Variants in DSG1 observed in about 807,000 individuals in gnomAD.
DSG1 encodes desmoglein 1, also known as desmoglein-1.
In DSG1, 39 loss-of-function variants were observed where a neutral mutation model predicts 97.5. That is an observed-to-expected ratio of 0.40 (90% CI 0.31 to 0.52). The LOEUF is 0.52. Ranked by LOEUF, DSG1 falls within the 20% of genes least tolerant of loss-of-function variation. The probability of loss-of-function intolerance (pLI) is 0.53; values close to 1 mark genes in which losing one functional copy is unlikely to be tolerated. For synonymous variants in DSG1, 475 were observed against 443.4 expected (o/e 1.07, Z -0.90); for missense variants, 1,311 against 1,295.4 (o/e 1.01, Z -0.18).
chr18:31,347,501 G>C (rs907224016), intron 14 of DSG1, among the ~76,000 whole-genome samples: 1 of 152,118 alleles, frequency 6.6e-6, no homozygotes, highest in Non-Finnish European at 1.5e-5. Context: ...ATTATGCATA[G>C]CTAAGTTCCA....
chr18:31,331,260 C>A (rs919407864), intron 5 of DSG1, among the ~76,000 whole-genome samples: 1 of 151,978 alleles, frequency 6.6e-6, no homozygotes, highest in Non-Finnish European at 1.5e-5. Flanking sequence ...TGATTTAATT[C>A]TCACATGAAT....
At chr18:31,333,772 A>G in intron 7 of DSG1, 49 bp downstream of exon 7, 1 of 1,600,012 alleles carries the variant, frequency 6.2e-7, no homozygotes, top group Non-Finnish European at 8.6e-7. Flanking sequence ...CTATATTCTA[A>G]AACATATACG....
chr18:31,345,151 C>A (rs992735273), intron 13 of DSG1, among the ~76,000 whole-genome samples: 12 of 152,130 alleles, frequency 7.9e-5, no homozygotes, highest in Non-Finnish European at 1.8e-4. Flanking sequence ...AATCTACAAA[C>A]TTTTGCACAA....
chr18:31,338,587 A>C (rs1239739383), intron 10 of DSG1, 133 bp downstream of exon 10: 2 of 882,816 alleles, frequency 2.3e-6, no homozygotes, highest in African/African-American at 3.4e-5. Context: ...TTATAGACTC[A>C]TATCTTTAAC....
At chr18:31,325,101 C>G (rs1430942958) in intron 1 of DSG1, among the ~76,000 whole-genome samples, 1 of 152,174 alleles carries the variant, frequency 6.6e-6, no homozygotes, top group East Asian at 1.9e-4. Context: ...AGAGTTTATT[C>G]TAGACTCTGA....
Position 31,334,201 on chromosome 18 carries a change from A to C in DSG1, c.1004A>C (p.Lys335Thr). Residue 335 changes from lysine (K) to threonine (T), a missense_variant and splice_region_variant, in exon 8 of 15, where the codon AAG becomes ACG. This residue lies in a region of DSG1 where 1,038 missense variants were observed against 964.6 expected (regional missense o/e 1.08). Transcript: ENST00000257192. Reference sequence around the variant, plus strand: ...AATGTGGGAATTTTAAAGGTTGTTAAGGTATGGTATAATTATCCTAAATAT... The same window carrying C: ...AATGTGGGAATTTTAAAGGTTGTTACGGTATGGTATAATTATCCTAAATAT... ...RTNVGILKVVKPLDYEAMQSL... is the reference protein window; with the variant it reads ...RTNVGILKVVTPLDYEAMQSL... 1 of 1,570,914 alleles carries C rather than the reference A, an allele frequency of 6.4e-7. No homozygotes were observed. Among genetic ancestry groups the C allele is most frequent in the African/African-American group, 1.3e-5 (1 of 74,106 alleles).
chr18:31,355,622 T>G lies in DSG1; in HGVS notation c.*276T>G. On this transcript the variant is annotated 3_prime_UTR_variant, in exon 15 of 15. Coordinates refer to ENST00000257192, the MANE Select transcript of DSG1 (RefSeq NM_001942.4). ...AGTGGCCTGTAGTCCATCTCCAGCA[T>G]GTAACTGGCCTTACGATGGCAATTG... is the stretch of plus-strand genomic sequence containing the variant. 1 of 475,740 alleles carries G rather than the reference T, an allele frequency of 2.1e-6. No individual in the cohort carries two copies. The highest frequency in any genetic ancestry group is 3.8e-6 in the Non-Finnish European group (1 of 260,662). 29.5% of individuals were successfully genotyped at this position (475,740 alleles called of 1,614,324 possible).
At chr18:31,334,237 T>A in intron 8 of DSG1, 35 bp downstream of exon 8, 1 of 1,421,070 alleles carries the variant, frequency 7.0e-7, no homozygotes, top group Non-Finnish European at 9.9e-7. Flanking sequence ...TTTGTTTTCT[T>A]AATCTTTTTT....
At chr18:31,338,082 C>A (rs905519487) in intron 9 of DSG1, among the ~76,000 whole-genome samples, 10 of 152,074 alleles carry the variant, frequency 6.6e-5, no homozygotes, top group Non-Finnish European at 1.5e-4. Flanking sequence ...CATAAAAAGA[C>A]ATTCCATCAG....
At chr18:31,338,744 CAAT>C (rs1344331227) in intron 10 of DSG1, among the ~76,000 whole-genome samples, 1 of 151,838 alleles carries the variant, frequency 6.6e-6, no homozygotes, top group African/African-American at 2.4e-5. Flanking sequence ...TAAAATGGAA[CAAT>C]AACAATATAT....
chr18:31,345,966 A>G (rs2071830099), intron 13 of DSG1, 24 bp from the exon 14 acceptor site: 2 of 1,597,532 alleles, frequency 1.3e-6, no homozygotes, highest in South Asian at 1.1e-5. Flanking sequence ...AAGAAAATAA[A>G]TTTAATTTGA....
Position 31,354,594 on chromosome 18 carries a change from TC to T in DSG1, c.2402del (p.Pro801HisfsTer8). On this transcript the variant is annotated frameshift_variant, in exon 15 of 15. Transcript: ENST00000257192. LOFTEE classifies it high-confidence loss of function. ...CGTTGTTAGTGGACACCCACCAATC[TC>T]CCCACATTTCGGCACTACCACAGTA... Reference protein sequence around the residue: ...EPVVSGHPPISPHFGTTTVIS... With the variant: ...EPVVSGHPPIXPHFGTTTVIS... 6.2e-7 allele frequency: 1 copy of T among 1,614,116 alleles called. No homozygotes were observed. Among genetic ancestry groups the T allele is most frequent in the Non-Finnish European group, 8.5e-7 (1 of 1,180,026 alleles).
chr18:31,320,701 G>A (rs12607370), intron 1 of DSG1, among the ~76,000 whole-genome samples: 60,777 of 152,040 alleles, frequency 0.4, 13,359 homozygotes, highest in Non-Finnish European at 0.49. Context: ...TTGTTTCCAT[G>A]TAATCAGTGT....
chr18:31,338,268 T>C (rs2071767450), intron 9 of DSG1, 47 bp from the exon 10 acceptor site: 6 of 1,589,516 alleles, frequency 3.8e-6, no homozygotes, highest in Admixed American at 1.7e-5. Flanking sequence ...AAAATTTCTT[T>C]TTTTAGATAG....
intron 9 of DSG1, among the ~76,000 whole-genome samples, chr18:31,337,922 G>A (rs1266576282): frequency 6.6e-6 from 1 of 152,218 alleles, no homozygotes; most frequent in Non-Finnish European, 1.5e-5. Flanking sequence ...CCAAGCTGAT[G>A]AAGTAACTTC....
Position 31,329,607 on chromosome 18 carries a change from A to G in DSG1, c.373-285A>G, listed in dbSNP as rs75107865. Among the ~76,000 whole-genome samples, 663 of 152,000 alleles carry G rather than the reference A, an allele frequency of 4.4e-3. 5 individuals are homozygous for G. Among genetic ancestry groups the G allele is most frequent in the African/African-American group, 0.015 (632 of 41,496 alleles). On this transcript the variant is annotated intron_variant, in intron 4 of 14. Transcript: ENST00000257192. ...ATCATAATGCCTTTATATATGAAAT[A>G]TGCCATTTTGTAAAATAGTACACAT...
chr18:31,322,941 A>AT (rs948043056), intron 1 of DSG1, among the ~76,000 whole-genome samples: 1 of 152,222 alleles, frequency 6.6e-6, no homozygotes, highest in African/African-American at 2.4e-5. Flanking sequence ...TTAGCCTGTG[A>AT]TTTTGTCTCC....
Position 31,346,170 on chromosome 18 carries a change from T to A in DSG1, c.2072T>A (p.Met691Lys), listed in dbSNP as rs1325655461. The change falls in exon 14 of 15, where the codon ATG (methionine) becomes AAG (lysine). Residue 691 changes from methionine to lysine, a missense_variant. This residue lies in a region of DSG1 where 1,038 missense variants were observed against 964.6 expected (regional missense o/e 1.08). Coordinates refer to ENST00000257192, the MANE Select transcript of DSG1 (RefSeq NM_001942.4). Reference sequence around the variant, plus strand: ...GAATGTAGAGAAGGAGGTCTGAATATGAATTTCATGGAAAGCTACTTCTGT... The same window carrying A: ...GAATGTAGAGAAGGAGGTCTGAATAAGAATTTCATGGAAAGCTACTTCTGT... ...MRECREGGLN[M>K]NFMESYFCQK... 6 of 1,613,754 alleles carry A rather than the reference T, an allele frequency of 3.7e-6. No individual in the cohort carries two copies. The highest frequency in any genetic ancestry group is 1.3e-5 in the African/African-American group (1 of 74,906).
chr18:31,343,870 A>G lies in DSG1; in HGVS notation c.1822-56A>G, dbSNP rs1009750683. The G allele has an allele frequency of 7.0e-6, 10 of 1,421,218 alleles. No homozygotes were observed. The Admixed American group carries it at 1.0e-4, about 14-fold the overall frequency. 88.0% of individuals were successfully genotyped at this position (1,421,218 alleles called of 1,614,324 possible). On this transcript the variant is annotated intron_variant, in intron 12 of 14. Transcript: ENST00000257192. ...AAGAATAAACCAAATGTATGACTGC[A>G]GAAAGATTATAGTCATTGGTCACTA...
Sources: allele counts gnomAD v4.1 joint callset (sites outside exome capture counted in the v4.1 genomes callset), GRCh38; gene constraint gnomAD v4.1.1; regional missense constraint gnomAD v4.1.1; transcripts MANE v1.5; gene names NCBI Gene and HGNC (gene_info 2026-07-23, HGNC 2026-07-21).